The following DYM variants were observed in gnomAD, a reference collection of about 807,000 sequenced individuals.
The protein encoded by DYM is dyggve-Melchior-Clausen syndrome protein.
DYM carries 78 observed loss-of-function variants against 93.1 expected under a neutral mutation model. That is an observed-to-expected ratio of 0.84 (90% CI 0.70 to 1.01). The LOEUF (loss-of-function observed/expected upper bound fraction) is 1.01. DYM is among the 50% of genes least tolerant of loss of function. The probability of loss-of-function intolerance (pLI) is 0.00; values close to 1 mark genes in which losing one functional copy is unlikely to be tolerated. For synonymous variants in DYM, 321 were observed against 319.7 expected (o/e 1.00, Z -0.04); for missense variants, 789 against 845.0 (o/e 0.93, Z 0.82).
chr18:49,113,331 T>G (rs777070229), intron 16 of DYM, among the ~76,000 whole-genome samples: 16 of 152,200 alleles, frequency 1.1e-4, no homozygotes, highest in Non-Finnish European at 1.9e-4. Flanking sequence ...TTATTTTATG[T>G]TCTCTCTTGT....
chr18:49,344,338 T>A (rs770280228), intron 6 of DYM, among the ~76,000 whole-genome samples: 2 of 152,146 alleles, frequency 1.3e-5, no homozygotes, highest in African/African-American at 2.4e-5. Flanking sequence ...CCCTTCTGCC[T>A]CCAAACTGCT....
intron 6 of DYM, among the ~76,000 whole-genome samples, chr18:49,361,000 G>T (rs1027570624): frequency 6.6e-6 from 1 of 152,212 alleles, no homozygotes; most frequent in African/African-American, 2.4e-5. Flanking sequence ...GAGTGGATAT[G>T]CTCTGCAAGT....
intron 1 of DYM, among the ~76,000 whole-genome samples, chr18:49,440,008 A>C (rs1214476874): frequency 7.7e-6 from 1 of 130,320 alleles, no homozygotes; most frequent in Non-Finnish European, 1.6e-5. Flanking sequence ...AGACTCTGTC[A>C]CCAATAAATA....
At chr18:49,153,886 C>T (rs529590248) in intron 15 of DYM, among the ~76,000 whole-genome samples, 1 of 152,246 alleles carries the variant, frequency 6.6e-6, no homozygotes, top group Admixed American at 6.5e-5. Context: ...CTTAAAGTAT[C>T]TCCCCAAAAT....
chr18:49,185,992 A>T (rs78663120), intron 14 of DYM, among the ~76,000 whole-genome samples: 389 of 152,230 alleles, frequency 2.6e-3, no homozygotes, highest in Middle Eastern at 0.01. Context: ...TCACTTTCAA[A>T]ACTCAGGATT....
rs113674422 is a variant in DYM at position 49,391,502 on chromosome 18, G to A, written c.193+91C>T. 2.6e-3 allele frequency: 3,273 copies of A among 1,258,132 alleles called. 50 individuals are homozygous for A. In the African/African-American group the frequency reaches 0.039, roughly 15 times the overall value. 77.9% of individuals were successfully genotyped at this position (1,258,132 alleles called of 1,614,324 possible). On this transcript the variant is annotated intron_variant, in intron 3 of 17. Transcript: ENST00000675505. ...TTATTACTATTGCTATCAAAGAAGA[G>A]TAATTACTTCATTAATTCAGTTCAT...
chr18:49,434,022 C>T (rs1003375427), intron 1 of DYM, among the ~76,000 whole-genome samples: 1 of 152,038 alleles, frequency 6.6e-6, no homozygotes, highest in Non-Finnish European at 1.5e-5. Flanking sequence ...CCAGCCTGAC[C>T]AATAGGATGA....
At chr18:49,144,880 T>A (rs2144553456) in intron 15 of DYM, among the ~76,000 whole-genome samples, 1 of 151,774 alleles carries the variant, frequency 6.6e-6, no homozygotes, top group South Asian at 2.1e-4. Context: ...GAGGACTGCT[T>A]GAGGGCACGA....
At chr18:49,413,461 A>G in intron 2 of DYM, among the ~76,000 whole-genome samples, 1 of 152,212 alleles carries the variant, frequency 6.6e-6, no homozygotes, top group East Asian at 1.9e-4. Context: ...TATTATCATT[A>G]TATCATTTTA....
At chr18:49,433,772 G>T (rs1013035979) in intron 1 of DYM, among the ~76,000 whole-genome samples, 1 of 152,094 alleles carries the variant, frequency 6.6e-6, no homozygotes, top group African/African-American at 2.4e-5. Flanking sequence ...GGAGGCTAAG[G>T]CACGAGAATC....
chr18:49,119,005 C>T, intron 15 of DYM, 79 bp from the exon 16 acceptor site: 1 of 1,183,618 alleles, frequency 8.4e-7, no homozygotes, highest in Middle Eastern at 1.9e-4. Flanking sequence ...AGAGTAATTC[C>T]CTCAAAATTA....
At chr18:49,134,016 A>G (rs2083608222) in intron 15 of DYM, among the ~76,000 whole-genome samples, 1 of 152,230 alleles carries the variant, frequency 6.6e-6, no homozygotes, top group African/African-American at 2.4e-5. Flanking sequence ...AAAATGAGAT[A>G]TCATGTAACT....
intron 17 of DYM, among the ~76,000 whole-genome samples, chr18:49,076,543 G>A (rs146700975): frequency 6.6e-6 from 1 of 152,240 alleles, no homozygotes; most frequent in Non-Finnish European, 1.5e-5. Context: ...AGTATAAAGT[G>A]CTGCATGTTC....
At chr18:49,408,757 A>G (rs1180240082) in intron 2 of DYM, among the ~76,000 whole-genome samples, 1 of 152,234 alleles carries the variant, frequency 6.6e-6, no homozygotes, top group Non-Finnish European at 1.5e-5. Context: ...ATGTAAATTT[A>G]GAAGGAACCC....
At chr18:49,046,079 T>TGC (rs1477360651) in intron 17 of DYM, among the ~76,000 whole-genome samples, 3 of 146,228 alleles carry the variant, frequency 2.1e-5, no homozygotes, top group South Asian at 2.1e-4. Context: ...AGGAGCTGCA[T>TGC]GCGCGCACAC....
At chr18:49,207,391 T>C (rs1470481105) in intron 14 of DYM, among the ~76,000 whole-genome samples, 5 of 152,174 alleles carry the variant, frequency 3.3e-5, no homozygotes, top group Non-Finnish European at 4.4e-5. Flanking sequence ...AGATACGTGG[T>C]AACAAAGAAC....
chr18:49,191,920 A>G (rs1455292103), intron 14 of DYM, among the ~76,000 whole-genome samples: 5 of 152,030 alleles, frequency 3.3e-5, no homozygotes, highest in Non-Finnish European at 5.9e-5. Context: ...CTGCTTTAAT[A>G]GCTTTCTAAA....
chr18:49,385,298 T>C lies in DYM; in HGVS notation c.194-5540A>G, dbSNP rs558154646. Among the ~76,000 whole-genome samples, 10 of 152,296 alleles carry C rather than the reference T, an allele frequency of 6.6e-5. No individual in the cohort carries two copies. In the East Asian group the frequency reaches 1.7e-3, roughly 26 times the overall value. On this transcript the variant is annotated intron_variant, in intron 3 of 17. Coordinates refer to ENST00000675505, the MANE Select transcript of DYM (RefSeq NM_001353214.3). ...ATCCCTCACCTACAGGGAGTCTGACTATCATAAAAAACAACTGACCTGGCT... is the reference window on the plus strand; with the variant it reads ...ATCCCTCACCTACAGGGAGTCTGACCATCATAAAAAACAACTGACCTGGCT...
chr18:49,064,626 G>C (rs184446381), intron 17 of DYM, among the ~76,000 whole-genome samples: 146 of 152,180 alleles, frequency 9.6e-4, no homozygotes, highest in Admixed American at 6.5e-5. Context: ...CTGATGCAAG[G>C]GAAGTTTTAG....
Sources: allele counts gnomAD v4.1 joint callset (sites outside exome capture counted in the v4.1 genomes callset), GRCh38; gene constraint gnomAD v4.1.1; transcripts MANE v1.5; gene names NCBI Gene and HGNC (gene_info 2026-07-23, HGNC 2026-07-21).